Variants in DENND1A observed in about 807,000 individuals in gnomAD.
The protein encoded by DENND1A is DENN domain-containing protein 1A.
DENND1A carries 51 observed loss-of-function variants against 113.7 expected under a neutral mutation model. The ratio of observed to expected loss-of-function variants is 0.45; its 90% confidence interval spans 0.36 to 0.57. The LOEUF (loss-of-function observed/expected upper bound fraction) is 0.57, where lower values mean the gene tolerates loss of function less well. Among genes scored for constraint, DENND1A ranks in the 20% least tolerant of loss-of-function variants. The pLI, the probability that DENND1A is intolerant of heterozygous loss-of-function variation, is 0.00. For synonymous variants in DENND1A, 565 were observed against 570.8 expected, an observed-to-expected ratio of 0.99 and a Z score of 0.14; for missense variants, 1,258 against 1,395.9, an observed-to-expected ratio of 0.90 and a Z score of 1.57.
At chr9:123,684,023 T>C (rs571222926) in intron 5 of DENND1A, among the ~76,000 whole-genome samples, 5 of 152,308 alleles carry the variant, frequency 3.3e-5, no homozygotes, top group African/African-American at 1.2e-4. Flanking sequence ...ATAATGAGTA[T>C]AGAGCAAGTG....
chr9:123,610,292 A>T (rs992102833), intron 10 of DENND1A, among the ~76,000 whole-genome samples: 1 of 152,246 alleles, frequency 6.6e-6, no homozygotes, highest in Admixed American at 6.5e-5. Context: ...GCTAGACATT[A>T]TATGAGGAAC....
At chr9:123,495,983 T>C (rs2051883664) in intron 13 of DENND1A, among the ~76,000 whole-genome samples, 2 of 152,212 alleles carry the variant, frequency 1.3e-5, no homozygotes, top group South Asian at 4.1e-4. Context: ...TATCTGTAAT[T>C]GCGTTAAGCA....
intron 5 of DENND1A, among the ~76,000 whole-genome samples, chr9:123,741,846 G>A (rs1174537429): frequency 2.0e-5 from 3 of 152,138 alleles, no homozygotes; most frequent in African/African-American, 7.2e-5. Context: ...ATTAAATCAA[G>A]GATTCTGAGC....
At chr9:123,765,561 T>C (rs1256226702) in intron 4 of DENND1A, among the ~76,000 whole-genome samples, 1 of 152,128 alleles carries the variant, frequency 6.6e-6, no homozygotes, top group African/African-American at 2.4e-5. Context: ...TGTGCCAGTA[T>C]AATTTACAGG....
At chr9:123,475,421 C>T (rs1390914384) in intron 13 of DENND1A, among the ~76,000 whole-genome samples, 2 of 152,256 alleles carry the variant, frequency 1.3e-5, no homozygotes, top group Admixed American at 1.3e-4. Context: ...AAATCCTCAA[C>T]CACTTCAGGA....
chr9:123,518,774 G>A (rs2054149401), intron 13 of DENND1A, among the ~76,000 whole-genome samples: 1 of 152,082 alleles, frequency 6.6e-6, no homozygotes, highest in Admixed American at 6.5e-5. Flanking sequence ...TGGTCTAGGT[G>A]ATCATCACAG....
At chr9:123,791,417 GAC>G (rs1832976014) in intron 3 of DENND1A, among the ~76,000 whole-genome samples, 1 of 152,102 alleles carries the variant, frequency 6.6e-6, no homozygotes, top group Non-Finnish European at 1.5e-5. Context: ...TGAAGCAAGA[GAC>G]AGAGTCAGAA....
intron 9 of DENND1A, among the ~76,000 whole-genome samples, chr9:123,647,328 T>C (rs1473592670): frequency 6.6e-6 from 1 of 152,246 alleles, no homozygotes; most frequent in Non-Finnish European, 1.5e-5. Context: ...AAAGCTTTGT[T>C]GGCACACAAT....
chr9:123,598,712 C>A (rs1371721682), intron 11 of DENND1A, among the ~76,000 whole-genome samples: 5 of 151,994 alleles, frequency 3.3e-5, no homozygotes, highest in Non-Finnish European at 7.4e-5. Flanking sequence ...TTTCCCCCTT[C>A]TTCTAAAGCT....
chr9:123,692,854 T>C (rs879276166), intron 5 of DENND1A, among the ~76,000 whole-genome samples: 1 of 152,192 alleles, frequency 6.6e-6, no homozygotes, highest in Admixed American at 6.5e-5. Flanking sequence ...AAATATCTGG[T>C]ACCTTAGCTC....
At chr9:123,862,241 A>G (rs1456888646) in intron 2 of DENND1A, among the ~76,000 whole-genome samples, 3 of 152,190 alleles carry the variant, frequency 2.0e-5, no homozygotes, top group Non-Finnish European at 4.4e-5. Flanking sequence ...CTAGTCACAT[A>G]AATAAACTTT....
intron 18 of DENND1A, among the ~76,000 whole-genome samples, chr9:123,441,576 T>C (rs887723385): frequency 1.3e-5 from 2 of 152,194 alleles, no homozygotes; most frequent in Non-Finnish European, 2.9e-5. Flanking sequence ...CTCCGGTGGC[T>C]GAAGCTGGCA....
chr9:123,462,903 G>A (rs1435041417), intron 13 of DENND1A, among the ~76,000 whole-genome samples: 2 of 152,076 alleles, frequency 1.3e-5, no homozygotes, highest in African/African-American at 2.4e-5. Flanking sequence ...TAAACAAACC[G>A]CTGTCAAGGC....
At chr9:123,753,654 G>C (rs567811691) in intron 5 of DENND1A, among the ~76,000 whole-genome samples, 2 of 152,288 alleles carry the variant, frequency 1.3e-5, no homozygotes, top group East Asian at 1.9e-4. Context: ...CCCTGTCTCT[G>C]ATCCCAATGC....
At chr9:123,531,840 T>G (rs1047764065) in intron 13 of DENND1A, among the ~76,000 whole-genome samples, 1 of 151,170 alleles carries the variant, frequency 6.6e-6, no homozygotes, top group Middle Eastern at 3.2e-3. Context: ...AATATGTCAT[T>G]TTACCTTGAA....
chr9:123,724,150 T>G (rs2067529381), intron 5 of DENND1A, among the ~76,000 whole-genome samples: 1 of 152,196 alleles, frequency 6.6e-6, no homozygotes, highest in South Asian at 2.1e-4. Context: ...CTCCCATTCT[T>G]AGAGTCAACT....
At chr9:123,799,099 A>G (rs1834215219) in intron 2 of DENND1A, among the ~76,000 whole-genome samples, 1 of 152,182 alleles carries the variant, frequency 6.6e-6, no homozygotes, top group African/African-American at 2.4e-5. Context: ...ACATCACTCC[A>G]TATGGTCTTC....
intron 4 of DENND1A, 43 bp downstream of exon 4, chr9:123,769,471 A>G: frequency 6.5e-7 from 1 of 1,528,154 alleles, no homozygotes; most frequent in South Asian, 1.2e-5. Context: ...TAGCAGGTTT[A>G]TTGATACTTT....
At chr9:123,741,492 T>G (rs2069019177) in intron 5 of DENND1A, among the ~76,000 whole-genome samples, 1 of 152,210 alleles carries the variant, frequency 6.6e-6, no homozygotes. Flanking sequence ...CAATGTAGTC[T>G]TTTGGATTAA....
Sources: allele counts gnomAD v4.1 joint callset (sites outside exome capture counted in the v4.1 genomes callset), GRCh38; gene constraint gnomAD v4.1.1; transcripts MANE v1.5; gene names NCBI Gene and HGNC (gene_info 2026-07-23, HGNC 2026-07-21).